Variants in EXT1 observed in about 807,000 individuals in gnomAD.
EXT1 encodes the protein exostosin glycosyltransferase 1.
In EXT1, 20 loss-of-function variants were observed where a neutral mutation model predicts 82.5. That is an observed-to-expected ratio of 0.24 (90% CI 0.17 to 0.35). EXT1 has a LOEUF of 0.35. EXT1 is among the 10% of genes least tolerant of loss of function. The pLI is 1.00. For synonymous variants in EXT1, 348 were observed against 350.8 expected (o/e 0.99, Z 0.09); for missense variants, 757 against 936.5 (o/e 0.81, Z 2.50).
intron 1 of EXT1, among the ~76,000 whole-genome samples, chr8:118,078,996 CACTT>C (rs909763872): frequency 1.3e-5 from 2 of 152,176 alleles, no homozygotes; most frequent in Non-Finnish European, 2.9e-5. Flanking sequence ...AAAGCACACA[CACTT>C]AATGATTCCT....
rs1261378518 is a variant in EXT1, at chr8:118,111,499, T to A, written c.-453A>T. 2 of 530,238 alleles carry A rather than the reference T, an allele frequency of 3.8e-6. No individual in the cohort carries two copies. The highest frequency in any genetic ancestry group is 3.8e-5 in the African/African-American group (2 of 52,508). 32.8% of individuals were successfully genotyped at this position (530,238 alleles called of 1,614,324 possible). A position where few individuals can be genotyped will look rare whatever the true frequency, so the allele number is the denominator to read the frequency against. Reference sequence around the variant, plus strand: ...GGCAACTTCAACTCATCCACCACTCTCCGTGCAGAGCACTCCGGTTCCAAC... The same window carrying A: ...GGCAACTTCAACTCATCCACCACTCACCGTGCAGAGCACTCCGGTTCCAAC... On this transcript the variant is annotated 5_prime_UTR_variant, in exon 1 of 11. Transcript: ENST00000378204.
intron 3 of EXT1, among the ~76,000 whole-genome samples, chr8:117,833,902 A>G (rs1436955673): frequency 2.0e-5 from 3 of 152,232 alleles, no homozygotes; most frequent in African/African-American, 7.2e-5. Flanking sequence ...TTTAGCATAC[A>G]CTATCTCTGC....
chr8:117,920,229 C>T (rs148221930), intron 1 of EXT1, among the ~76,000 whole-genome samples: 262 of 151,898 alleles, frequency 1.7e-3, no homozygotes, highest in African/African-American at 6.1e-3. Context: ...CTCAGCCTCC[C>T]GAGTAGCTGG....
chr8:118,066,877 A>C (rs1816997768), intron 1 of EXT1, among the ~76,000 whole-genome samples: 1 of 152,190 alleles, frequency 6.6e-6, no homozygotes, highest in Non-Finnish European at 1.5e-5. Context: ...CTTGTAGATA[A>C]AGCTAAGCTT....
At chr8:118,045,998 G>A (rs1255027898) in intron 1 of EXT1, among the ~76,000 whole-genome samples, 1 of 151,962 alleles carries the variant, frequency 6.6e-6, no homozygotes, top group Non-Finnish European at 1.5e-5. Flanking sequence ...GTTTCACCAT[G>A]TTGGCCAGGC....
chr8:118,052,316 C>A (rs1816730347), intron 1 of EXT1, among the ~76,000 whole-genome samples: 1 of 152,086 alleles, frequency 6.6e-6, no homozygotes, highest in African/African-American at 2.4e-5. Flanking sequence ...TTTTTAAAAT[C>A]TTTGTACTCT....
chr8:117,818,439 C>T lies in EXT1; in HGVS notation c.1628G>A (p.Ser543Asn). Residue 543 changes from serine (S) to asparagine (N), a missense_variant, in exon 7 of 11, where the codon AGC (serine) becomes AAC (asparagine). By Grantham distance (46) the Ser-to-Asn change is conservative. Coordinates refer to ENST00000378204, the MANE Select transcript of EXT1 (RefSeq NM_000127.3). ...TAGGTCCCCTTCGAGTCTTACCTTG[C>T]TCTCTCCTTCAATGACGACGACAGG... ...AVPVVVIEGE[S>N]KVMSSRFLPY... 1.2e-6 allele frequency: 2 copies of T among 1,614,072 alleles called. No individual in the cohort carries two copies. The highest frequency in any genetic ancestry group is 1.7e-6 in the Non-Finnish European group (2 of 1,179,940).
At chr8:117,872,857 C>T (rs1258255944) in intron 1 of EXT1, among the ~76,000 whole-genome samples, 1 of 151,176 alleles carries the variant, frequency 6.6e-6, no homozygotes, top group African/African-American at 2.4e-5. Flanking sequence ...AATGCATGTC[C>T]AGTTTAGGGT....
At chr8:117,905,967 C>A (rs1283963531) in intron 1 of EXT1, among the ~76,000 whole-genome samples, 1 of 152,206 alleles carries the variant, frequency 6.6e-6, no homozygotes, top group African/African-American at 2.4e-5. Context: ...TTCTCCCAAT[C>A]ACAAATAATC....
intron 1 of EXT1, among the ~76,000 whole-genome samples, chr8:118,026,267 A>G (rs1283584164): frequency 6.6e-6 from 1 of 152,212 alleles, no homozygotes; most frequent in African/African-American, 2.4e-5. Context: ...GTGAGGGCTA[A>G]TGGGGAAAAC....
intron 1 of EXT1, among the ~76,000 whole-genome samples, chr8:118,000,234 C>G (rs189130277): frequency 7.2e-5 from 11 of 152,258 alleles, no homozygotes; most frequent in Admixed American, 6.5e-4. Flanking sequence ...GGAAGGGCAT[C>G]AGCATTAGGA....
In EXT1 at chr8:117,991,725, C is replaced by T. The variant is rs191184810; in HGVS notation, c.962+118360G>A. 1.3e-3 allele frequency among the ~76,000 whole-genome samples: 203 copies of T among 152,248 alleles called. 2 individuals carry two copies. Among genetic ancestry groups the T allele is most frequent in the African/African-American group, 4.5e-3 (189 of 41,550 alleles). ...TACAGGCACATACCACCACACCCAACTAATTTTTGTATTTTTAGTGGACAC... is the reference window on the plus strand; with the variant it reads ...TACAGGCACATACCACCACACCCAATTAATTTTTGTATTTTTAGTGGACAC... On this transcript the variant is annotated intron_variant, in intron 1 of 10. Coordinates refer to ENST00000378204, the MANE Select transcript of EXT1 (RefSeq NM_000127.3).
At chr8:118,060,930 C>T (rs1240437415) in intron 1 of EXT1, among the ~76,000 whole-genome samples, 1 of 152,220 alleles carries the variant, frequency 6.6e-6, no homozygotes, top group African/African-American at 2.4e-5. Context: ...CCTTTCTTTA[C>T]ATCATGAGAT....
At chr8:118,063,969 C>T (rs982749449) in intron 1 of EXT1, among the ~76,000 whole-genome samples, 3 of 152,244 alleles carry the variant, frequency 2.0e-5, no homozygotes, top group East Asian at 1.9e-4. Context: ...CTGGTTCAAG[C>T]GATTCTCCTG....
intron 1 of EXT1, among the ~76,000 whole-genome samples, chr8:118,038,594 G>A (rs1816469129): frequency 6.6e-6 from 1 of 152,160 alleles, no homozygotes; most frequent in Admixed American, 6.5e-5. Context: ...TAGAACACCT[G>A]ACTCTAATAA....
At chr8:117,891,010 C>A (rs1813232724) in intron 1 of EXT1, among the ~76,000 whole-genome samples, 2 of 152,200 alleles carry the variant, frequency 1.3e-5, no homozygotes. Context: ...ACCAGGCCTG[C>A]AGGCCCTTCT....
rs543324475 is a variant in EXT1, at chr8:117,917,487, T to TCATCCTAACA, written c.963-80296_963-80287dup. Among the ~76,000 whole-genome samples the TCATCCTAACA allele has an allele frequency of 3.3e-3, 506 of 152,210 alleles. 3 individuals carry two copies. Among genetic ancestry groups the TCATCCTAACA allele is most frequent in the African/African-American group, 0.011 (459 of 41,552 alleles). The stretch of plus-strand genomic sequence containing the variant: ...CTCAAAAAATAAAAATAAAAAACCT[T>TCATCCTAACA]CATCCTAACACATCCTAACACGTCT... On this transcript the variant is annotated intron_variant, in intron 1 of 10. Transcript: ENST00000378204.
At chr8:117,937,051 C>A (rs1814178521) in intron 1 of EXT1, among the ~76,000 whole-genome samples, 1 of 152,164 alleles carries the variant, frequency 6.6e-6, no homozygotes, top group Non-Finnish European at 1.5e-5. Flanking sequence ...ATCTCTACAT[C>A]CCTTCGCTCC....
At chr8:118,106,709 G>T (rs1013422861) in intron 1 of EXT1, among the ~76,000 whole-genome samples, 3 of 152,124 alleles carry the variant, frequency 2.0e-5, no homozygotes, top group African/African-American at 7.2e-5. Context: ...GTAGGGATGT[G>T]AACTATGAAG....
Sources: gnomAD v4.1 joint callset for allele counts (sites outside exome capture counted in the v4.1 genomes callset) on GRCh38, gnomAD v4.1.1 for gene constraint, MANE v1.5 for transcripts, NCBI Gene and HGNC (gene_info 2026-07-23, HGNC 2026-07-21) for gene names.